The following ACBD5 variants were observed in gnomAD, a reference collection of about 807,000 sequenced individuals.
ACBD5 encodes the protein acyl-CoA binding domain containing 5, also known as acyl-CoA-binding domain-containing protein 5.
In ACBD5, 40 loss-of-function variants were observed where a neutral mutation model predicts 71.8. The observed-to-expected ratio is 0.56, with a 90% confidence interval of 0.43 to 0.72. ACBD5 has a LOEUF of 0.72. Among genes scored for constraint, ACBD5 ranks in the 30% least tolerant of loss-of-function variants. The pLI is 0.00. For missense variants in ACBD5, 559 were observed against 644.5 expected, an observed-to-expected ratio of 0.87 and a Z score of 1.44; for synonymous variants, 229 against 218.6, an observed-to-expected ratio of 1.05 and a Z score of -0.42.
upstream of ACBD5, chr10:27,240,844 AC>A: frequency 8.5e-7 from 1 of 1,181,836 alleles, no homozygotes; most frequent in Non-Finnish European, 1.2e-6. This position sits in a 1 kb window ranked among gnomAD's most constrained non-coding sequence, Gnocchi z 4.1. Flanking sequence ...TCACCGGAGG[AC>A]CCACTGGCGC....
In ACBD5 at chr10:27,197,357, G is replaced by A; in HGVS notation, c.*73C>T. The A allele has an allele frequency of 7.0e-7, 1 of 1,437,912 alleles. No homozygotes were observed. Among genetic ancestry groups the A allele is most frequent in the Non-Finnish European group, 9.8e-7 (1 of 1,022,284 alleles). The allele number at this position is 1,437,912 out of a possible 1,614,324, so 89.1% of individuals were successfully genotyped here. ...AATCATCACAAACTAAGATTTTCTT[G>A]TGAACACCACAATCCAGTTCATTCT... On this transcript the variant is annotated 3_prime_UTR_variant, in exon 13 of 13. Coordinates refer to ENST00000396271, the MANE Select transcript of ACBD5 (RefSeq NM_145698.5).
intron 2 of ACBD5, among the ~76,000 whole-genome samples, chr10:27,236,218 A>G (rs1004797562): frequency 4.6e-5 from 7 of 152,170 alleles, no homozygotes; most frequent in African/African-American, 1.7e-4. Context: ...TAGCTGTTTA[A>G]ATAATTATGA....
Position 27,240,337 on chromosome 10 carries a change from G to C in ACBD5, c.163C>G (p.Gln55Glu), listed in dbSNP as rs1262064945. Residue 55 changes from glutamine (Q) to glutamate (E), a missense_variant, in exon 2 of 13, where the codon CAG becomes GAG. By Grantham distance (29) the Gln-to-Glu change is conservative. Coordinates refer to ENST00000396271, the MANE Select transcript of ACBD5 (RefSeq NM_145698.5). This position sits in a 1 kb window ranked among gnomAD's most constrained non-coding sequence, Gnocchi z 4.1. ...CACGTACCATTCTTCGGCAAACTCT[G>C]GATCACCTTCACGGCCGCCTCAAAC... ...TRFEAAVKVI[Q>E]SLPKNGSFQP... 6.2e-7 allele frequency: 1 copy of C among 1,613,938 alleles called. No individual in the cohort carries two copies. Among genetic ancestry groups the C allele is most frequent in the African/African-American group, 1.3e-5 (1 of 74,878 alleles).
downstream of ACBD5, among the ~76,000 whole-genome samples, chr10:27,190,747 A>G (rs114439847): frequency 1.5e-3 from 227 of 152,336 alleles, no homozygotes; most frequent in African/African-American, 5.1e-3. Context: ...ACGGGACAAC[A>G]TTTGAAGGAA....
At chr10:27,208,565 C>A in intron 9 of ACBD5, 120 bp from the exon 10 acceptor site, 1 of 1,195,804 alleles carries the variant, frequency 8.4e-7, no homozygotes, top group Non-Finnish European at 1.2e-6. Context: ...TGGCCAGGAG[C>A]TGTGGCTCAC....
At chr10:27,192,630 T>C (rs748709110), downstream of ACBD5, among the ~76,000 whole-genome samples, 8 of 152,012 alleles carry the variant, frequency 5.3e-5, no homozygotes, top group Non-Finnish European at 1.0e-4. Flanking sequence ...ACCAGTAAAA[T>C]TTAAAAAATA....
At chr10:27,226,554 C>T (rs1379414279) in intron 4 of ACBD5, among the ~76,000 whole-genome samples, 1 of 151,620 alleles carries the variant, frequency 6.6e-6, no homozygotes, top group Non-Finnish European at 1.5e-5. Context: ...GTTATCTAAA[C>T]CAAGCTTGTC....
chr10:27,214,539 TAAAATTAAAAATTAA>T (rs145944431), intron 8 of ACBD5, among the ~76,000 whole-genome samples: 10,474 of 151,740 alleles, frequency 0.069, 673 homozygotes, highest in African/African-American at 0.17. Flanking sequence ...ATGTGCCCAT[TAAAATTAAAAATTAA>T]AAAATTAAAA....
At chr10:27,200,863 G>A (rs1380846288) in intron 12 of ACBD5, among the ~76,000 whole-genome samples, 1 of 152,070 alleles carries the variant, frequency 6.6e-6, no homozygotes, top group Non-Finnish European at 1.5e-5. Flanking sequence ...CTGGATTGGG[G>A]CCCCTTTCTT....
chr10:27,233,299 C>T lies in ACBD5; in HGVS notation c.303-1479G>A, dbSNP rs572905748. On this transcript the variant is annotated intron_variant, in intron 3 of 12. Transcript: ENST00000396271. ...AAAATTAGCCAGGCGTGGTGGCACG[C>T]GCCTGTAATCCCAGCTACTCGTGAG... Among the ~76,000 whole-genome samples, 122 of 151,940 alleles carry T rather than the reference C, an allele frequency of 8.0e-4. 1 individual carries two copies. The highest frequency in any genetic ancestry group is 1.9e-3 in the African/African-American group (77 of 41,450).
intron 3 of ACBD5, 116 bp downstream of exon 3, chr10:27,234,976 A>C: frequency 9.5e-7 from 1 of 1,052,182 alleles, no homozygotes; most frequent in East Asian, 2.6e-5. Context: ...TAAAAATTGT[A>C]CCCAATACCT....
At chr10:27,222,649 C>A (rs2062503031) in intron 5 of ACBD5, among the ~76,000 whole-genome samples, 1 of 150,584 alleles carries the variant, frequency 6.6e-6, no homozygotes, top group Non-Finnish European at 1.5e-5. Context: ...CGTCTCACTG[C>A]AAACTTTGCC....
chr10:27,239,183 G>A (rs2065146522), intron 2 of ACBD5, among the ~76,000 whole-genome samples: 1 of 152,130 alleles, frequency 6.6e-6, no homozygotes, highest in South Asian at 2.1e-4. Flanking sequence ...GGCAACAAGA[G>A]CGGAACTCCA....
At chr10:27,186,889 C>A in intron 13 of ACBD5, 1 of 273,028 alleles carries the variant, frequency 3.7e-6, no homozygotes, top group South Asian at 4.3e-5. Context: ...TTCAGTTTAG[C>A]ATTAAAATAA....
chr10:27,216,846 T>C (rs894669947), intron 7 of ACBD5, among the ~76,000 whole-genome samples: 2 of 152,034 alleles, frequency 1.3e-5, no homozygotes, highest in African/African-American at 2.4e-5. Flanking sequence ...GGTTCTTACA[T>C]TACGAAATGA....
At chr10:27,241,016 T>G, upstream of ACBD5, 1 of 518,868 alleles carries the variant, frequency 1.9e-6, no homozygotes, top group Non-Finnish European at 3.5e-6. Context: ...CGCGCTTTTG[T>G]TCAGAAGGGG....
chr10:27,189,495 C>A (rs1444414847), intron 13 of ACBD5, among the ~76,000 whole-genome samples: 1 of 152,018 alleles, frequency 6.6e-6, no homozygotes, highest in South Asian at 2.1e-4. Context: ...TTTTAAAAAC[C>A]GTCATTCTCA....
intron 5 of ACBD5, 104 bp from the exon 6 acceptor site, chr10:27,219,961 T>C: frequency 9.5e-7 from 1 of 1,054,620 alleles, no homozygotes; most frequent in South Asian, 1.6e-5. Flanking sequence ...TAAAATAATT[T>C]TGAATTAAAA....
intron 2 of ACBD5, among the ~76,000 whole-genome samples, chr10:27,237,885 G>C (rs2064944967): frequency 6.6e-6 from 1 of 151,878 alleles, no homozygotes; most frequent in South Asian, 2.1e-4. Context: ...AAAGTGCTGG[G>C]ATTACAGGTG....
Sources: gnomAD v4.1 joint callset for allele counts (sites outside exome capture counted in the v4.1 genomes callset) on GRCh38, gnomAD v4.1.1 for gene constraint, Gnocchi (gnomAD v3.1) non-coding constraint, MANE v1.5 for transcripts, NCBI Gene and HGNC (gene_info 2026-07-23, HGNC 2026-07-21) for gene names.